The following NEK7 variants were observed in gnomAD, a reference collection of about 807,000 sequenced individuals.
The protein encoded by NEK7 is serine/threonine-protein kinase Nek7.
Under a neutral mutation model 44.6 loss-of-function variants are expected in NEK7, and 18 were observed. That is an observed-to-expected ratio of 0.40 (90% CI 0.28 to 0.60). The LOEUF (loss-of-function observed/expected upper bound fraction) is 0.60. Among genes scored for constraint, NEK7 ranks in the 20% least tolerant of loss-of-function variants. The pLI is 0.38. For missense variants in NEK7, 256 were observed against 366.5 expected (o/e 0.70, Z 2.46); for synonymous variants, 130 against 121.1 (o/e 1.07, Z -0.48).
intron 2 of NEK7, among the ~76,000 whole-genome samples, chr1:198,240,019 A>G (rs1666639161): frequency 6.6e-6 from 1 of 152,190 alleles, no homozygotes; most frequent in South Asian, 2.1e-4. Context: ...GTACAGTAAA[A>G]ATATGGTTTT....
intron 3 of NEK7, chr1:198,256,427 A>C: frequency 6.2e-7 from 1 of 1,611,098 alleles, no homozygotes. Context: ...GTATATGGCA[A>C]CATTAACCAA....
intron 2 of NEK7, among the ~76,000 whole-genome samples, chr1:198,241,462 G>A (rs569555972): frequency 2.6e-5 from 4 of 152,320 alleles, no homozygotes; most frequent in African/African-American, 9.6e-5. Context: ...GGGGTCAGGG[G>A]AGTACCTGGA....
At chr1:198,225,736 G>A (rs1377828009) in intron 1 of NEK7, among the ~76,000 whole-genome samples, 1 of 152,076 alleles carries the variant, frequency 6.6e-6, no homozygotes, top group Non-Finnish European at 1.5e-5. Context: ...ACTTTTTACT[G>A]TTTTGATGTG....
At chr1:198,274,162 A>G (rs1465607017) in intron 5 of NEK7, among the ~76,000 whole-genome samples, 2 of 150,432 alleles carry the variant, frequency 1.3e-5, no homozygotes, top group Non-Finnish European at 3.0e-5. Flanking sequence ...CTGTAATTCT[A>G]GTTCTCTTAT....
chr1:198,229,971 C>T (rs1666338678), intron 1 of NEK7, among the ~76,000 whole-genome samples: 1 of 152,148 alleles, frequency 6.6e-6, no homozygotes, highest in Non-Finnish European at 1.5e-5. Context: ...CTCAAAATGT[C>T]TTCTTTGGAT....
intron 5 of NEK7, among the ~76,000 whole-genome samples, chr1:198,276,013 G>A (rs746195551): frequency 5.3e-5 from 8 of 151,458 alleles, no homozygotes; most frequent in Non-Finnish European, 1.0e-4. Context: ...AACGAATTTG[G>A]ATACTTAACT....
intron 1 of NEK7, among the ~76,000 whole-genome samples, chr1:198,210,277 G>T (rs1665723698): frequency 6.6e-6 from 1 of 152,040 alleles, no homozygotes. Flanking sequence ...TGTGTGATGG[G>T]GTCTTGCTAT....
chr1:198,289,619 AGCTAACT>A (rs1475159539), intron 7 of NEK7, among the ~76,000 whole-genome samples: 1 of 152,206 alleles, frequency 6.6e-6, no homozygotes, highest in African/African-American at 2.4e-5. Context: ...AGCAATCCAA[AGCTAACT>A]GCATGTGAGG....
chr1:198,314,976 C>G (rs61831679), intron 9 of NEK7, among the ~76,000 whole-genome samples: 21 of 152,352 alleles, frequency 1.4e-4, no homozygotes, highest in Non-Finnish European at 2.2e-4. Context: ...TGGTGCTTCC[C>G]GGCTGCTTTG....
chr1:198,164,541 G>A (rs1664207283), intron 1 of NEK7, among the ~76,000 whole-genome samples: 2 of 152,198 alleles, frequency 1.3e-5, no homozygotes, highest in Non-Finnish European at 2.9e-5. Context: ...TGGTTTCCAA[G>A]TGCATATGGG....
intron 1 of NEK7, among the ~76,000 whole-genome samples, chr1:198,211,746 C>A (rs959291491): frequency 6.6e-6 from 1 of 151,984 alleles, no homozygotes; most frequent in Non-Finnish European, 1.5e-5. Flanking sequence ...CTGGAGGCAT[C>A]GTTAGCATGC....
At chr1:198,255,658 G>A (rs1041896891) in intron 3 of NEK7, among the ~76,000 whole-genome samples, 2 of 152,162 alleles carry the variant, frequency 1.3e-5, no homozygotes, top group African/African-American at 4.8e-5. Context: ...TCTGTTTTAC[G>A]CTGTGATAAA....
At chr1:198,246,754 C>G (rs745411258) in intron 2 of NEK7, among the ~76,000 whole-genome samples, 18 of 152,242 alleles carry the variant, frequency 1.2e-4, no homozygotes, top group Non-Finnish European at 2.4e-4. Flanking sequence ...ATTGTGCAGA[C>G]AGAAGATGGA....
At chr1:198,188,716 T>G (rs1376494163) in intron 1 of NEK7, among the ~76,000 whole-genome samples, 3 of 152,164 alleles carry the variant, frequency 2.0e-5, no homozygotes, top group Non-Finnish European at 4.4e-5. Context: ...ATTATAAGAA[T>G]AGGTATTTTT....
intron 1 of NEK7, among the ~76,000 whole-genome samples, chr1:198,199,947 CTTAT>C (rs1036820928): frequency 4.2e-4 from 64 of 152,168 alleles, no homozygotes; most frequent in African/African-American, 1.3e-3. Context: ...AATCTGTCAT[CTTAT>C]TTGTTTTCTA....
rs1655480522 is a variant in NEK7, at chr1:198,319,627, T to C, written c.*105T>C. 3.0e-6 allele frequency: 4 copies of C among 1,326,382 alleles called. No homozygotes were observed. The highest frequency in any genetic ancestry group is 1.5e-5 in the African/African-American group (1 of 67,240). The allele number at this position is 1,326,382 out of a possible 1,614,324, so 82.2% of individuals were successfully genotyped here. On this transcript the variant is annotated 3_prime_UTR_variant, in exon 10 of 10. Coordinates refer to ENST00000367385, the MANE Select transcript of NEK7 (RefSeq NM_133494.3). ...GTTAAGATTAATATTTCAGAGCTAGTGTGCTTTGAATCCTTAACCAGTTTT... is the reference window on the plus strand; with the variant it reads ...GTTAAGATTAATATTTCAGAGCTAGCGTGCTTTGAATCCTTAACCAGTTTT...
chr1:198,252,554 ATATATATAT>A (rs1558079202), intron 2 of NEK7, among the ~76,000 whole-genome samples: 25 of 68,646 alleles, frequency 3.6e-4, no homozygotes, highest in Admixed American at 5.3e-4. Flanking sequence ...ATATATATAT[ATATATATAT>A]ATATAAAAAG....
At chr1:198,221,332 G>A (rs1458559560) in intron 1 of NEK7, among the ~76,000 whole-genome samples, 2 of 151,794 alleles carry the variant, frequency 1.3e-5, no homozygotes, top group African/African-American at 4.8e-5. Context: ...AGTTGAGTTT[G>A]AAAGATTATG....
intron 9 of NEK7, among the ~76,000 whole-genome samples, chr1:198,299,359 A>G (rs1481141447): frequency 6.6e-6 from 1 of 152,216 alleles, no homozygotes; most frequent in Non-Finnish European, 1.5e-5. Context: ...TCAATTTGTA[A>G]AATAATTATT....
Sources: allele counts gnomAD v4.1 joint callset (sites outside exome capture counted in the v4.1 genomes callset), GRCh38; gene constraint gnomAD v4.1.1; transcripts MANE v1.5; gene names NCBI Gene and HGNC (gene_info 2026-07-23, HGNC 2026-07-21).